The following C8orf34 variants were observed in gnomAD, a reference collection of about 807,000 sequenced individuals.
C8orf34 encodes the protein chromosome 8 open reading frame 34, also known as uncharacterized protein C8orf34.
Under a neutral mutation model 68.3 loss-of-function variants are expected in C8orf34, and 65 were observed. The ratio of observed to expected loss-of-function variants is 0.95; its 90% CI spans 0.78 to 1.17. The LOEUF is 1.17. Ranked by LOEUF, C8orf34 falls within the 50% of genes most tolerant of loss-of-function variation. The pLI is 0.00. For missense variants in C8orf34, 664 were observed against 655.4 expected (o/e 1.01, Z -0.14); for synonymous variants, 244 against 241.2 (o/e 1.01, Z -0.11).
At chr8:68,528,532 A>G (rs1291730433) in intron 6 of C8orf34, among the ~76,000 whole-genome samples, 1 of 151,040 alleles carries the variant, frequency 6.6e-6, no homozygotes, top group African/African-American at 2.4e-5. Flanking sequence ...TTCCTGTTTT[A>G]CTCTCCTGGA....
chr8:68,756,425 C>T (rs1005120159), intron 10 of C8orf34, among the ~76,000 whole-genome samples: 4 of 152,164 alleles, frequency 2.6e-5, no homozygotes, highest in African/African-American at 7.2e-5. Context: ...ATTCATTTTT[C>T]ATCCAACCAG....
Position 68,815,891 on chromosome 8 carries a change from G to T in C8orf34, c.1555G>T (p.Ala519Ser). ...GVEAEQEKRS[A>S]DLLLCVPCSS... ...CTGTTTCTTTTGTTGTGCAGGTTCC[G>T]CTGATCTTCTTCTTTGCGTTCCATG... is the stretch of plus-strand genomic sequence containing the variant. Residue 519 changes from alanine to serine, a missense_variant, in exon 13 of 14, where the codon GCT (alanine) becomes TCT (serine). Coordinates refer to ENST00000518698, the MANE Select transcript of C8orf34 (RefSeq NM_052958.4). 2.5e-6 allele frequency: 4 copies of T among 1,613,644 alleles called. No homozygotes were observed. Among genetic ancestry groups the T allele is most frequent in the Non-Finnish European group, 3.4e-6 (4 of 1,179,720 alleles).
chr8:68,573,168 T>TTAGC (rs1217595016), intron 7 of C8orf34, among the ~76,000 whole-genome samples: 3 of 152,158 alleles, frequency 2.0e-5, no homozygotes, highest in Admixed American at 1.3e-4. Context: ...ATCCATACCC[T>TTAGC]TAGCTGTGTT....
intron 9 of C8orf34, among the ~76,000 whole-genome samples, chr8:68,715,953 G>A (rs1344513886): frequency 1.3e-5 from 2 of 151,980 alleles, no homozygotes; most frequent in Non-Finnish European, 2.9e-5. Context: ...AAGAAAATAT[G>A]ATATATATAC....
At chr8:68,473,961 G>A (rs77426773) in intron 4 of C8orf34, among the ~76,000 whole-genome samples, 82 of 152,216 alleles carry the variant, frequency 5.4e-4, no homozygotes, top group African/African-American at 1.9e-3. Flanking sequence ...CTCTTTGGAT[G>A]CCCTTTGCAT....
chr8:68,550,443 A>C (rs1031419341), intron 7 of C8orf34, among the ~76,000 whole-genome samples: 1 of 151,876 alleles, frequency 6.6e-6, no homozygotes, highest in African/African-American at 2.4e-5. Context: ...ATACATATGC[A>C]TACACACATG....
intron 7 of C8orf34, among the ~76,000 whole-genome samples, chr8:68,623,240 T>C (rs143137854): frequency 6.6e-6 from 1 of 152,334 alleles, no homozygotes; most frequent in East Asian, 1.9e-4. Context: ...CTCTTTATTG[T>C]CTTATACCTA....
intron 7 of C8orf34, among the ~76,000 whole-genome samples, chr8:68,617,660 A>C: frequency 6.6e-6 from 1 of 152,182 alleles, no homozygotes; most frequent in Non-Finnish European, 1.5e-5. Context: ...ATCCGCTGTT[A>C]GTCTGATGGG....
chr8:68,573,113 T>C (rs960901324), intron 7 of C8orf34, among the ~76,000 whole-genome samples: 1 of 152,170 alleles, frequency 6.6e-6, no homozygotes, highest in Admixed American at 6.5e-5. Context: ...TAGTTAAACA[T>C]TGTAGTCTAT....
At position 68,581,719 on chromosome 8, in the gene C8orf34, G is replaced by A. The variant is rs983111488; in HGVS notation, c.1105+48570G>A. Reference sequence around the variant, plus strand: ...CTGTCCTGCGGTCCCAAAGCTGGTCGCAGGCAGTGGAGTACAGCCACTGCC... The same window carrying A: ...CTGTCCTGCGGTCCCAAAGCTGGTCACAGGCAGTGGAGTACAGCCACTGCC... On this transcript the variant is annotated intron_variant, in intron 7 of 13. Transcript: ENST00000518698. Among the ~76,000 whole-genome samples the A allele has an allele frequency of 2.6e-5, 4 of 152,188 alleles. No individual in the cohort carries two copies. In the East Asian group the frequency reaches 7.7e-4, roughly 29 times the overall value.
intron 6 of C8orf34, 118 bp from the exon 7 acceptor site, chr8:68,532,865 C>A: frequency 1.5e-6 from 1 of 670,694 alleles, no homozygotes; most frequent in Non-Finnish European, 2.5e-6. Flanking sequence ...TTCCATTATC[C>A]TTGGGGAAAA....
chr8:68,653,767 A>C (rs752481173), intron 8 of C8orf34, among the ~76,000 whole-genome samples: 1 of 152,134 alleles, frequency 6.6e-6, no homozygotes, highest in African/African-American at 2.4e-5. Flanking sequence ...ATAGCATCAC[A>C]TTATAGATTA....
At chr8:68,444,045 C>G (rs528456806) in intron 2 of C8orf34, among the ~76,000 whole-genome samples, 1 of 152,042 alleles carries the variant, frequency 6.6e-6, no homozygotes, top group African/African-American at 2.4e-5. Context: ...TTACTGTTCT[C>G]TGTTTTTCTC....
chr8:68,550,722 AG>A, intron 7 of C8orf34, among the ~76,000 whole-genome samples: 1 of 151,528 alleles, frequency 6.6e-6, no homozygotes, highest in East Asian at 1.9e-4. Flanking sequence ...TCAGTTTTAA[AG>A]GAGATTTGAT....
chr8:68,625,571 C>T (rs1405861667), intron 7 of C8orf34: 2 of 699,090 alleles, frequency 2.9e-6, no homozygotes, highest in Non-Finnish European at 2.6e-6. Context: ...AAGAAAGCAA[C>T]ACAGAATGGA....
chr8:68,707,930 A>G (rs1821217534), intron 8 of C8orf34, among the ~76,000 whole-genome samples: 1 of 152,228 alleles, frequency 6.6e-6, no homozygotes, highest in Admixed American at 6.5e-5. Context: ...GAATATTAAA[A>G]TTGTTTATCC....
chr8:68,667,838 T>G (rs1041420573), intron 8 of C8orf34, among the ~76,000 whole-genome samples: 2 of 152,308 alleles, frequency 1.3e-5, no homozygotes, highest in South Asian at 2.1e-4. Context: ...TGTTTCTGCT[T>G]AGGATGAAGG....
chr8:68,456,380 T>G (rs1258956513), intron 3 of C8orf34, among the ~76,000 whole-genome samples: 1 of 152,196 alleles, frequency 6.6e-6, no homozygotes, highest in East Asian at 1.9e-4. Context: ...TGGTAGAATG[T>G]AATATCTTCA....
intron 10 of C8orf34, among the ~76,000 whole-genome samples, chr8:68,756,350 A>C (rs1321909833): frequency 6.6e-6 from 1 of 152,202 alleles, no homozygotes; most frequent in African/African-American, 2.4e-5. Flanking sequence ...CTATTTTGAA[A>C]AGTGTAACTC....
Sources: allele counts gnomAD v4.1 joint callset (sites outside exome capture counted in the v4.1 genomes callset), GRCh38; gene constraint gnomAD v4.1.1; transcripts MANE v1.5; gene names NCBI Gene and HGNC (gene_info 2026-07-23, HGNC 2026-07-21).